Variants in SGCD observed in about 807,000 individuals in gnomAD.
The protein encoded by SGCD is sarcoglycan delta, also known as delta-sarcoglycan.
SGCD carries 18 observed loss-of-function variants against 36.6 expected under a neutral mutation model. The observed-to-expected ratio is 0.49, with a 90% CI of 0.34 to 0.73. The LOEUF (loss-of-function observed/expected upper bound fraction) is 0.73. SGCD is among the 30% of genes least tolerant of loss of function. The probability of loss-of-function intolerance (pLI) is 0.01; values close to 1 mark genes in which losing one functional copy is unlikely to be tolerated. For synonymous variants in SGCD, 133 were observed against 130.6 expected (o/e 1.02, Z -0.12); for missense variants, 387 against 346.7 (o/e 1.12, Z -0.92).
intron 1 of SGCD, among the ~76,000 whole-genome samples, chr5:155,940,416 A>T (rs1757298244): frequency 6.6e-6 from 1 of 152,208 alleles, no homozygotes; most frequent in African/African-American, 2.4e-5. Flanking sequence ...TAGATGTGTG[A>T]GCCTGGGCAA....
the SGCD span, among the ~76,000 whole-genome samples, chr5:155,821,145 A>C: frequency 3.6e-4 from 55 of 152,328 alleles, no homozygotes; most frequent in African/African-American, 1.3e-3. Context: ...CATATACTTG[A>C]AACCTAAACT....
intron 1 of SGCD, among the ~76,000 whole-genome samples, chr5:156,056,659 A>AAAAAAAAAAAAAAAAAAAAAAAAAAAAC (rs1330447322): frequency 7.0e-6 from 1 of 141,890 alleles, no homozygotes; most frequent in East Asian, 2.0e-4. Context: ...AAAAAAAAAA[A>AAAAAAAAAAAAAAAAAAAAAAAAAAAAC]AAAAAACAGT....
chr5:155,996,543 C>T (rs1032628914), intron 1 of SGCD, among the ~76,000 whole-genome samples: 4 of 152,012 alleles, frequency 2.6e-5, no homozygotes, highest in African/African-American at 9.7e-5. Context: ...TTTGGGAGGC[C>T]GAGGCGGGGG....
At chr5:156,665,369 C>T (rs910852116) in intron 7 of SGCD, among the ~76,000 whole-genome samples, 2 of 152,326 alleles carry the variant, frequency 1.3e-5, no homozygotes, top group Admixed American at 6.5e-5. Flanking sequence ...ACCGGCTCTG[C>T]TACATATTCG....
the SGCD span, among the ~76,000 whole-genome samples, chr5:155,740,948 A>T: frequency 6.6e-6 from 1 of 152,208 alleles, no homozygotes; most frequent in South Asian, 2.1e-4. Flanking sequence ...TCCTGAGAAC[A>T]TGTGCCCAAA....
chr5:156,490,497 A>G (rs866788452), intron 3 of SGCD, among the ~76,000 whole-genome samples: 2,016 of 152,120 alleles, frequency 0.013, 24 homozygotes, highest in South Asian at 0.049. Context: ...CAAAAAAAAA[A>G]AAATACACAT....
At chr5:156,426,194 C>T (rs963993827) in intron 3 of SGCD, among the ~76,000 whole-genome samples, 1 of 151,990 alleles carries the variant, frequency 6.6e-6, no homozygotes, top group African/African-American at 2.4e-5. Flanking sequence ...AAAGGAGTTC[C>T]CTTTGCACCA....
At chr5:156,113,714 G>A (rs1479241923) in intron 1 of SGCD, among the ~76,000 whole-genome samples, 1 of 152,168 alleles carries the variant, frequency 6.6e-6, no homozygotes, top group African/African-American at 2.4e-5. Context: ...GCACATGGAT[G>A]TTTGCAGCAG....
chr5:156,330,465 T>C (rs988985169), intron 2 of SGCD, among the ~76,000 whole-genome samples: 7 of 152,194 alleles, frequency 4.6e-5, no homozygotes, highest in African/African-American at 1.7e-4. Flanking sequence ...TGAATTGTTT[T>C]CTGTTTTCAC....
At chr5:156,299,413 T>C (rs551458730) in intron 3 of SGCD, among the ~76,000 whole-genome samples, 2 of 152,282 alleles carry the variant, frequency 1.3e-5, no homozygotes, top group Non-Finnish European at 2.9e-5. Context: ...TTGGCTATTC[T>C]GGGTCTTTTG....
At chr5:155,951,564 A>T (rs531120511) in intron 1 of SGCD, among the ~76,000 whole-genome samples, 2 of 152,322 alleles carry the variant, frequency 1.3e-5, no homozygotes, top group Admixed American at 1.3e-4. Context: ...TGCATGCCTA[A>T]TTATTGGTCA....
intron 3 of SGCD, among the ~76,000 whole-genome samples, chr5:156,425,910 G>T (rs990820556): frequency 6.6e-6 from 1 of 152,036 alleles, no homozygotes; most frequent in African/African-American, 2.4e-5. Flanking sequence ...TTATGGCTGA[G>T]TAGTATTCCA....
At chr5:156,023,416 T>C (rs997423907) in intron 1 of SGCD, among the ~76,000 whole-genome samples, 1 of 152,264 alleles carries the variant, frequency 6.6e-6, no homozygotes, top group African/African-American at 2.4e-5. Context: ...GTATGGGCTC[T>C]GAGAGTTCAG....
rs78045586 is a variant in SGCD, at chr5:156,499,397, G to A, written c.193-9204G>A. On this transcript the variant is annotated intron_variant, in intron 3 of 8. Coordinates refer to ENST00000337851, the MANE Select transcript of SGCD (RefSeq NM_000337.6). ...CTGAGCCCCCAAGATGAAATAATAA[G>A]TAGCACCTTATTTCTCATCTCAAGA... 7.6e-3 allele frequency among the ~76,000 whole-genome samples: 1,157 copies of A among 152,216 alleles called. 11 individuals carry two copies. The highest frequency in any genetic ancestry group is 0.021 in the African/African-American group (887 of 41,518).
chr5:156,745,308 C>T (rs1426566269), intron 7 of SGCD, among the ~76,000 whole-genome samples: 1 of 152,098 alleles, frequency 6.6e-6, no homozygotes, highest in African/African-American at 2.4e-5. Context: ...ATTTCTCTAC[C>T]ACTTGATAAC....
intron 3 of SGCD, among the ~76,000 whole-genome samples, chr5:156,173,416 A>G (rs1282067747): frequency 1.3e-5 from 2 of 152,186 alleles, no homozygotes; most frequent in East Asian, 3.9e-4. Context: ...CCCACAAATT[A>G]ATGTCTTTTT....
At chr5:155,754,411 A>G in the SGCD span, among the ~76,000 whole-genome samples, 3 of 152,186 alleles carry the variant, frequency 2.0e-5, no homozygotes, top group African/African-American at 7.2e-5. Flanking sequence ...GACACTTGCC[A>G]TGGGAGGAAA....
chr5:156,074,346 A>G (rs73813228), intron 1 of SGCD, among the ~76,000 whole-genome samples: 21,526 of 152,224 alleles, frequency 0.14, 1,799 homozygotes, highest in Non-Finnish European at 0.19. Context: ...TCCAAATGCC[A>G]TAATCCCAAC....
chr5:156,106,553 G>T (rs1237315967), intron 1 of SGCD, among the ~76,000 whole-genome samples: 1 of 152,124 alleles, frequency 6.6e-6, no homozygotes, highest in East Asian at 1.9e-4. Context: ...GTAGAAAATG[G>T]GGTCTGCTAT....
Sources: allele counts gnomAD v4.1 joint callset (sites outside exome capture counted in the v4.1 genomes callset), GRCh38; gene constraint gnomAD v4.1.1; transcripts MANE v1.5; gene names NCBI Gene and HGNC (gene_info 2026-07-23, HGNC 2026-07-21).